HTR1F: variants seen among roughly 807,000 people sequenced by gnomAD.
HTR1F encodes the protein 5-hydroxytryptamine receptor 1F, also known as 5-hydroxytryptamine (serotonin) receptor 1F, G protein-coupled.
Under a neutral mutation model 24.0 loss-of-function variants are expected in HTR1F, and 17 were observed. The ratio of observed to expected loss-of-function variants is 0.71; its 90% CI spans 0.48 to 1.06. HTR1F has a LOEUF of 1.06. Ranked by LOEUF, HTR1F falls within the 50% of genes least tolerant of loss-of-function variation. HTR1F has a pLI of 0.00. For missense variants in HTR1F, 391 were observed against 427.8 expected (o/e 0.91, Z 0.76); for synonymous variants, 186 against 156.8 (o/e 1.19, Z -1.39).
At chr3:87,856,445 C>T (rs376851336) in intron 2 of HTR1F, among the ~76,000 whole-genome samples, 96 of 149,652 alleles carry the variant, frequency 6.4e-4, no homozygotes, top group African/African-American at 2.2e-3. Flanking sequence ...TAAAAATGGT[C>T]TATTTATTTT....
intron 2 of HTR1F, among the ~76,000 whole-genome samples, chr3:87,831,330 A>AATTATTATT (rs58022545): frequency 9.6e-4 from 136 of 142,404 alleles, no homozygotes; most frequent in East Asian, 1.4e-3. Context: ...GATATTAAGA[A>AATTATTATT]ATTATTATTA....
intron 2 of HTR1F, among the ~76,000 whole-genome samples, chr3:87,926,602 C>T (rs552623336): frequency 2.0e-5 from 3 of 152,110 alleles, no homozygotes; most frequent in Admixed American, 1.3e-4. Flanking sequence ...TATTAAATAA[C>T]ATTGATTACT....
intron 2 of HTR1F, among the ~76,000 whole-genome samples, chr3:87,987,148 TAAAC>T (rs1403435830): frequency 2.0e-5 from 3 of 151,094 alleles, no homozygotes; most frequent in African/African-American, 7.3e-5. Context: ...ATAAAATAGA[TAAAC>T]AAATAAACAC....
chr3:87,966,612 CTCAAT>C lies in HTR1F; in HGVS notation c.-42-24091_-42-24087del, dbSNP rs1337299725. Among the ~76,000 whole-genome samples, 5 of 152,096 alleles carry C rather than the reference CTCAAT, an allele frequency of 3.3e-5. 1 individual carries two copies. Among genetic ancestry groups the C allele is most frequent in the East Asian group, 3.8e-4 (2 of 5,200 alleles). On this transcript the variant is annotated intron_variant, in intron 2 of 2. Transcript: ENST00000319595. ...TATTAGTTAAATTTTAAGTTGATGA[CTCAAT>C]TCAAGTGATTTTTTTCATCTTCATT...
intron 2 of HTR1F, among the ~76,000 whole-genome samples, chr3:87,899,536 T>C (rs1434493286): frequency 6.6e-6 from 1 of 152,172 alleles, no homozygotes; most frequent in Non-Finnish European, 1.5e-5. Flanking sequence ...ATTTACATAG[T>C]AATTTTAAAT....
At chr3:87,808,802 G>A (rs183631617) in intron 1 of HTR1F, among the ~76,000 whole-genome samples, 4 of 151,826 alleles carry the variant, frequency 2.6e-5, no homozygotes, top group East Asian at 1.9e-4. Flanking sequence ...ATTTTGATAC[G>A]TTGTGTTTGA....
intron 2 of HTR1F, among the ~76,000 whole-genome samples, chr3:87,988,362 A>T (rs1201060276): frequency 6.6e-6 from 1 of 151,426 alleles, no homozygotes; most frequent in Non-Finnish European, 1.5e-5. Context: ...ATAGACAATC[A>T]CTCTTTTTCA....
intron 1 of HTR1F, among the ~76,000 whole-genome samples, chr3:87,801,614 T>A (rs1237657776): frequency 2.6e-5 from 4 of 152,164 alleles, no homozygotes; most frequent in Non-Finnish European, 5.9e-5. Flanking sequence ...AGCTTCCAGA[T>A]CACAGATAGG....
chr3:87,877,340 G>A (rs1376172539), intron 2 of HTR1F, among the ~76,000 whole-genome samples: 1 of 152,038 alleles, frequency 6.6e-6, no homozygotes, highest in Non-Finnish European at 1.5e-5. Flanking sequence ...AGGAGACAAT[G>A]AATTTTATTT....
chr3:87,819,258 G>T (rs1258323429), intron 1 of HTR1F, among the ~76,000 whole-genome samples: 2 of 151,944 alleles, frequency 1.3e-5, no homozygotes, highest in South Asian at 2.1e-4. Context: ...GAATTTTCAT[G>T]GTTGTTTTCA....
At chr3:87,879,356 T>C (rs1705737500) in intron 2 of HTR1F, among the ~76,000 whole-genome samples, 1 of 152,362 alleles carries the variant, frequency 6.6e-6, no homozygotes, top group African/African-American at 2.4e-5. Context: ...TTAGTACTGA[T>C]GTATATGAAG....
intron 2 of HTR1F, among the ~76,000 whole-genome samples, chr3:87,972,310 A>G (rs1705302245): frequency 6.6e-6 from 1 of 152,180 alleles, no homozygotes; most frequent in East Asian, 1.9e-4. Flanking sequence ...CTCAACTTAA[A>G]GTTTCCATCT....
chr3:87,903,461 A>G (rs1444766902), intron 2 of HTR1F, among the ~76,000 whole-genome samples: 2 of 151,890 alleles, frequency 1.3e-5, no homozygotes, highest in African/African-American at 4.8e-5. Flanking sequence ...AAAAGTGGGC[A>G]AAGGACATGA....
intron 2 of HTR1F, among the ~76,000 whole-genome samples, chr3:87,969,639 T>G (rs1705244732): frequency 6.6e-6 from 1 of 152,220 alleles, no homozygotes. Context: ...GGACTTGCCT[T>G]GTCTCAGATG....
chr3:87,918,447 G>A (rs1317717367), intron 2 of HTR1F, among the ~76,000 whole-genome samples: 2 of 151,992 alleles, frequency 1.3e-5, no homozygotes, highest in East Asian at 3.9e-4. Context: ...GCTGTTTGCT[G>A]ATGATTTGAT....
intron 2 of HTR1F, among the ~76,000 whole-genome samples, chr3:87,960,410 G>A (rs1440884286): frequency 1.3e-5 from 2 of 151,966 alleles, no homozygotes; most frequent in Non-Finnish European, 2.9e-5. Flanking sequence ...CAAAACTGAA[G>A]GAGTAGTCTG....
intron 2 of HTR1F, among the ~76,000 whole-genome samples, chr3:87,962,324 G>A (rs907386923): frequency 9.2e-5 from 14 of 152,058 alleles, no homozygotes; most frequent in African/African-American, 3.4e-4. Context: ...AAGATTGACA[G>A]TGTGAAAAAT....
intron 2 of HTR1F, among the ~76,000 whole-genome samples, chr3:87,976,166 A>T (rs1359072147): frequency 6.6e-6 from 1 of 152,240 alleles, no homozygotes; most frequent in Non-Finnish European, 1.5e-5. Flanking sequence ...GAATACTTTT[A>T]ATTTAACATA....
At position 87,984,503 on chromosome 3, in the gene HTR1F, G is replaced by A. The variant is rs569083802; in HGVS notation, c.-42-6205G>A. Among the ~76,000 whole-genome samples, 174 of 152,054 alleles carry A rather than the reference G, an allele frequency of 1.1e-3. 2 individuals are homozygous for A. Among genetic ancestry groups the A allele is most frequent in the African/African-American group, 3.3e-3 (136 of 41,478 alleles). ...AGAGTTTTGCTCTTTCGCTTCTGTTGCCCAAGCTGGAGCGCATGGCATGAT... is the reference window on the plus strand; with the variant it reads ...AGAGTTTTGCTCTTTCGCTTCTGTTACCCAAGCTGGAGCGCATGGCATGAT... On this transcript the variant is annotated intron_variant, in intron 2 of 2. Coordinates refer to ENST00000319595, the MANE Select transcript of HTR1F (RefSeq NM_001322209.2).
Sources: allele counts gnomAD v4.1 joint callset (sites outside exome capture counted in the v4.1 genomes callset), GRCh38; gene constraint gnomAD v4.1.1; transcripts MANE v1.5; gene names NCBI Gene and HGNC (gene_info 2026-07-23, HGNC 2026-07-21).